Variants in CCSER1 observed in about 807,000 individuals in gnomAD.
The protein encoded by CCSER1 is serine-rich coiled-coil domain-containing protein 1.
A neutral mutation model predicts 82.0 loss-of-function variants in CCSER1; 41 were observed. The observed-to-expected ratio is 0.50, with a 90% CI of 0.39 to 0.65. CCSER1 has a LOEUF of 0.65. CCSER1 is among the 30% of genes least tolerant of loss of function. The probability of loss-of-function intolerance (pLI) is 0.00; values close to 1 mark genes in which losing one functional copy is unlikely to be tolerated. For synonymous variants in CCSER1, 414 were observed against 383.9 expected (o/e 1.08, Z -0.92); for missense variants, 1,119 against 1,064.2 (o/e 1.05, Z -0.72).
At chr4:90,454,324 C>T (rs1761894632) in intron 4 of CCSER1, among the ~76,000 whole-genome samples, 1 of 150,694 alleles carries the variant, frequency 6.6e-6, no homozygotes, top group Non-Finnish European at 1.5e-5. Context: ...TCTGGTCCTA[C>T]AGCCTATTTT....
chr4:90,786,099 G>A (rs183336709), intron 7 of CCSER1, among the ~76,000 whole-genome samples: 1 of 152,170 alleles, frequency 6.6e-6, no homozygotes, highest in African/African-American at 2.4e-5. Flanking sequence ...TTCTTTGTCA[G>A]ATACTTTCTC....
rs543783923 is a variant in CCSER1 at position 90,206,245 on chromosome 4, G to A, written c.-42+78414G>A. ...TATTTCTTATCTTCTGCTAGCTTTT[G>A]AATTTGTTTGCTCTTGCTTCTCTAG... is the stretch of plus-strand genomic sequence containing the variant. On this transcript the variant is annotated intron_variant, in intron 1 of 10. Transcript: ENST00000509176. Among the ~76,000 whole-genome samples the A allele has an allele frequency of 2.0e-5, 3 of 152,122 alleles. No homozygotes were observed. In the East Asian group the frequency reaches 5.8e-4, roughly 29 times the overall value.
At chr4:91,229,042 G>T (rs1039727278) in intron 10 of CCSER1, among the ~76,000 whole-genome samples, 1 of 152,112 alleles carries the variant, frequency 6.6e-6, no homozygotes, top group Non-Finnish European at 1.5e-5. Flanking sequence ...GCTGTAGAGC[G>T]GGCCAATGAT....
chr4:91,219,048 C>T (rs899983811), intron 10 of CCSER1, among the ~76,000 whole-genome samples: 7 of 152,136 alleles, frequency 4.6e-5, no homozygotes, highest in African/African-American at 1.7e-4. Context: ...CTCCTCCCCA[C>T]ACATAGATTC....
intron 1 of CCSER1, among the ~76,000 whole-genome samples, chr4:90,199,019 C>T (rs1373043114): frequency 6.6e-6 from 1 of 152,114 alleles, no homozygotes; most frequent in Non-Finnish European, 1.5e-5. Flanking sequence ...AATCTCCTTA[C>T]CTGTCTGCTA....
intron 4 of CCSER1, among the ~76,000 whole-genome samples, chr4:90,435,410 A>T (rs989953451): frequency 4.6e-5 from 7 of 152,178 alleles, no homozygotes; most frequent in Non-Finnish European, 1.0e-4. Flanking sequence ...GAGGGATCTC[A>T]TCTCTTAAAA....
chr4:91,147,549 C>A (rs547883409), intron 10 of CCSER1, among the ~76,000 whole-genome samples: 1 of 152,206 alleles, frequency 6.6e-6, no homozygotes, highest in Non-Finnish European at 1.5e-5. Context: ...AGTGGGGGCT[C>A]CTCCTCCAAT....
intron 7 of CCSER1, 136 bp downstream of exon 7, chr4:90,724,127 T>A: frequency 1.9e-6 from 1 of 533,662 alleles, no homozygotes; most frequent in South Asian, 3.4e-5. Flanking sequence ...TAAAATCGTT[T>A]TTTTGTGTGT....
At chr4:91,588,982 C>T (rs1764140304) in intron 10 of CCSER1, among the ~76,000 whole-genome samples, 1 of 151,744 alleles carries the variant, frequency 6.6e-6, no homozygotes, top group African/African-American at 2.4e-5. Context: ...TAATATTTTA[C>T]AGTATATGAC....
At chr4:91,494,103 A>G (rs1243933422) in intron 10 of CCSER1, among the ~76,000 whole-genome samples, 1 of 151,930 alleles carries the variant, frequency 6.6e-6, no homozygotes, top group Non-Finnish European at 1.5e-5. Context: ...ACAAGGTGCC[A>G]TCTTCTAAGT....
intron 10 of CCSER1, among the ~76,000 whole-genome samples, chr4:91,137,855 A>C (rs1284398016): frequency 1.4e-5 from 2 of 145,286 alleles, no homozygotes; most frequent in African/African-American, 5.1e-5. Context: ...AGAGAATAAA[A>C]TACCTAGGAA....
chr4:91,297,414 T>C (rs1360026988), intron 10 of CCSER1, among the ~76,000 whole-genome samples: 6 of 148,626 alleles, frequency 4.0e-5, no homozygotes, highest in African/African-American at 1.5e-4. Context: ...TGTGTGTGTG[T>C]GTGTGTGTGT....
chr4:91,233,674 T>C (rs1208314657), intron 10 of CCSER1, among the ~76,000 whole-genome samples: 4 of 152,000 alleles, frequency 2.6e-5, no homozygotes, highest in Non-Finnish European at 5.9e-5. Flanking sequence ...AGTAGTAAAA[T>C]AAAAATCTAT....
chr4:90,737,953 C>A (rs1745930178), intron 7 of CCSER1, among the ~76,000 whole-genome samples: 1 of 152,054 alleles, frequency 6.6e-6, no homozygotes, highest in Non-Finnish European at 1.5e-5. Context: ...TTAATTATTT[C>A]CATCTATTTG....
chr4:90,238,784 C>T (rs1197891511), intron 1 of CCSER1, among the ~76,000 whole-genome samples: 3 of 151,896 alleles, frequency 2.0e-5, no homozygotes, highest in Non-Finnish European at 4.4e-5. Context: ...TGTAATGGAG[C>T]TCTATAGGAA....
intron 9 of CCSER1, among the ~76,000 whole-genome samples, chr4:91,049,540 T>C (rs1742817027): frequency 6.6e-6 from 1 of 152,218 alleles, no homozygotes; most frequent in African/African-American, 2.4e-5. Flanking sequence ...CATTCTTATT[T>C]TTTGTTTATT....
chr4:91,478,133 C>CT (rs1757693997), intron 10 of CCSER1, among the ~76,000 whole-genome samples: 1 of 151,774 alleles, frequency 6.6e-6, no homozygotes, highest in South Asian at 2.1e-4. Flanking sequence ...CCTGAAAAGT[C>CT]TTTCAAAAAA....
chr4:90,929,676 C>T (rs886398326), intron 9 of CCSER1, among the ~76,000 whole-genome samples: 2 of 152,114 alleles, frequency 1.3e-5, no homozygotes, highest in African/African-American at 4.8e-5. Context: ...TAGATGTCAT[C>T]TATGAAAGTT....
intron 10 of CCSER1, among the ~76,000 whole-genome samples, chr4:91,325,651 C>T (rs1016849478): frequency 1.3e-5 from 2 of 152,142 alleles, no homozygotes; most frequent in Non-Finnish European, 2.9e-5. Context: ...TCCATTGCTC[C>T]TTCCAATACG....
Sources: allele counts gnomAD v4.1 joint callset (sites outside exome capture counted in the v4.1 genomes callset), GRCh38; gene constraint gnomAD v4.1.1; transcripts MANE v1.5; gene names NCBI Gene and HGNC (gene_info 2026-07-23, HGNC 2026-07-21).